The following FBXW11 variants were observed in gnomAD, a reference collection of about 807,000 sequenced individuals.
FBXW11 encodes F-box/WD repeat-containing protein 11.
Under a neutral mutation model 77.6 loss-of-function variants are expected in FBXW11, and 19 were observed. The observed-to-expected ratio is 0.24, with a 90% CI of 0.17 to 0.36. The LOEUF (loss-of-function observed/expected upper bound fraction) is 0.36, where lower values mean the gene tolerates loss of function less well. Ranked by LOEUF, FBXW11 falls within the 10% of genes least tolerant of loss-of-function variation. The pLI is 1.00. For synonymous variants in FBXW11, 235 were observed against 249.4 expected (o/e 0.94, Z 0.54); for missense variants, 334 against 704.2 (o/e 0.47, Z 5.95).
chr5:171,931,015 A>C (rs1762165682), intron 2 of FBXW11, among the ~76,000 whole-genome samples: 1 of 152,122 alleles, frequency 6.6e-6, no homozygotes, highest in Non-Finnish European at 1.5e-5. Flanking sequence ...ATCCTGATGA[A>C]GGAAATCAAA....
intron 1 of FBXW11, among the ~76,000 whole-genome samples, chr5:171,978,736 C>A (rs1764981358): frequency 6.6e-6 from 1 of 152,186 alleles, no homozygotes; most frequent in Admixed American, 6.5e-5. Flanking sequence ...CCAGTCACGA[C>A]AAAATCAGAA....
intron 13 of FBXW11, among the ~76,000 whole-genome samples, chr5:171,865,296 A>G (rs1028407479): frequency 6.6e-6 from 1 of 152,070 alleles, no homozygotes; most frequent in Non-Finnish European, 1.5e-5. Context: ...AAAAAAAAAA[A>G]AAGTCTTCAA....
chr5:171,942,360 G>C (rs1027272317), intron 2 of FBXW11, among the ~76,000 whole-genome samples: 2 of 151,748 alleles, frequency 1.3e-5, no homozygotes, highest in Non-Finnish European at 2.9e-5. Flanking sequence ...TTTCAGTCTG[G>C]AAGAGTTATT....
At chr5:172,000,972 C>T (rs188177775) in intron 1 of FBXW11, among the ~76,000 whole-genome samples, 3 of 152,228 alleles carry the variant, frequency 2.0e-5, no homozygotes, top group Admixed American at 2.0e-4. Context: ...TATTCAGTTT[C>T]CTCAGTTCTT....
intron 6 of FBXW11, among the ~76,000 whole-genome samples, chr5:171,892,038 C>T (rs1759383578): frequency 6.6e-6 from 1 of 152,214 alleles, no homozygotes; most frequent in African/African-American, 2.4e-5. Flanking sequence ...TAGTGAGCAA[C>T]TACTATAAGC....
rs567927419 is a variant in FBXW11, at chr5:171,877,874, T to C, written c.971+137A>G. ...CTTTCCTGCCTAATTTGCGCAAACA[T>C]GTCTACAATAAAAGTAGTTTGAAAT... On this transcript the variant is annotated intron_variant, in intron 8 of 13. Transcript: ENST00000517395. The C allele has an allele frequency of 1.1e-4, 76 of 696,358 alleles. 1 individual carries two copies. The highest frequency in any genetic ancestry group is 7.6e-4 in the South Asian group (41 of 54,054). The allele number at this position is 696,358 out of a possible 1,614,324, so 43.1% of individuals were successfully genotyped here. A position where few individuals can be genotyped will look rare whatever the true frequency, so the allele number is the denominator to read the frequency against.
At chr5:171,914,544 G>A in intron 2 of FBXW11, 139 bp from the exon 3 acceptor site, 1 of 598,698 alleles carries the variant, frequency 1.7e-6, no homozygotes, top group Non-Finnish European at 2.8e-6. Context: ...GCTAACACAT[G>A]CCATTTTGGG....
chr5:171,948,610 C>CA (rs538990449), intron 2 of FBXW11, among the ~76,000 whole-genome samples: 1 of 151,800 alleles, frequency 6.6e-6, no homozygotes, highest in Non-Finnish European at 1.5e-5. Flanking sequence ...AAAAATCAAA[C>CA]AAAAAAAGTT....
chr5:171,997,022 C>A, intron 1 of FBXW11: 1 of 1,289,798 alleles, frequency 7.8e-7, no homozygotes, highest in South Asian at 1.2e-5. Flanking sequence ...CAGCTTTCTT[C>A]AACAAAATCC....
At chr5:171,916,604 T>C (rs1208846114) in intron 2 of FBXW11, 6 of 333,004 alleles carry the variant, frequency 1.8e-5, no homozygotes. Flanking sequence ...ATTGCTATCT[T>C]GAAGGGACCT....
chr5:171,880,759 C>T lies in FBXW11; in HGVS notation c.853-2630G>A, dbSNP rs1049763897. Among the ~76,000 whole-genome samples the T allele has an allele frequency of 4.6e-5, 7 of 152,136 alleles. 1 individual carries two copies. The highest frequency in any genetic ancestry group is 3.3e-4 in the Admixed American group (5 of 15,278). ...TCACCCAGGCTGGAGTGCAATGGCG[C>T]GATCTCGGCTCACTGCAACCTCCGC... On this transcript the variant is annotated intron_variant, in intron 7 of 13. Coordinates refer to ENST00000517395, the MANE Select transcript of FBXW11 (RefSeq NM_001378974.1).
chr5:171,881,217 T>C (rs1321619836), intron 7 of FBXW11, among the ~76,000 whole-genome samples: 2 of 152,214 alleles, frequency 1.3e-5, no homozygotes, highest in Non-Finnish European at 2.9e-5. Flanking sequence ...TACCTTGTCT[T>C]AGTGTGTTAT....
intron 6 of FBXW11, among the ~76,000 whole-genome samples, chr5:171,892,485 T>C (rs1455645585): frequency 6.6e-6 from 1 of 152,206 alleles, no homozygotes; most frequent in Non-Finnish European, 1.5e-5. Flanking sequence ...ACATATTCAA[T>C]GCCCACAAAG....
At chr5:171,967,284 C>T (rs1288544092) in intron 1 of FBXW11, among the ~76,000 whole-genome samples, 1 of 152,146 alleles carries the variant, frequency 6.6e-6, no homozygotes, top group Non-Finnish European at 1.5e-5. Flanking sequence ...AAGAAGATGT[C>T]ATTCACATCA....
At chr5:171,913,807 CCACACACACATACACACACA>C (rs1267050083) in intron 3 of FBXW11, among the ~76,000 whole-genome samples, 126 of 97,906 alleles carry the variant, frequency 1.3e-3, no homozygotes, top group Non-Finnish European at 1.4e-3. Context: ...AAACCCCCAA[CCACACACACATACACACACA>C]CACACACACA....
Position 171,905,355 on chromosome 5 carries a change from C to T in FBXW11, c.436+5217G>A, listed in dbSNP as rs116752421. ...TCACAATAACCTTCTGAGATAGGTA[C>T]TCTACATACCCTCATTTTACATAGA... On this transcript the variant is annotated intron_variant, in intron 4 of 13. Transcript: ENST00000517395. Among the ~76,000 whole-genome samples the T allele has an allele frequency of 3.2e-3, 481 of 152,250 alleles. 2 individuals carry two copies. The highest frequency in any genetic ancestry group is 0.011 in the African/African-American group (444 of 41,530).
At chr5:171,966,386 A>G (rs1764187535) in intron 1 of FBXW11, among the ~76,000 whole-genome samples, 1 of 152,156 alleles carries the variant, frequency 6.6e-6, no homozygotes, top group Non-Finnish European at 1.5e-5. Context: ...ACCACCCATG[A>G]TTCAAAAATG....
At chr5:171,971,554 TTTTTCTGAAATAA>T (rs752094098) in intron 1 of FBXW11, among the ~76,000 whole-genome samples, 4 of 152,170 alleles carry the variant, frequency 2.6e-5, no homozygotes, top group Non-Finnish European at 4.4e-5. Flanking sequence ...ACTCAAATCC[TTTTTCTGAAATAA>T]ACTAAGGTTT....
At chr5:171,970,391 T>C (rs1764456637) in intron 1 of FBXW11, among the ~76,000 whole-genome samples, 1 of 152,202 alleles carries the variant, frequency 6.6e-6, no homozygotes, top group African/African-American at 2.4e-5. Flanking sequence ...CTAAGTTTCC[T>C]GAGGCCTCCC....
Sources: gnomAD v4.1 joint callset for allele counts (sites outside exome capture counted in the v4.1 genomes callset) on GRCh38, gnomAD v4.1.1 for gene constraint, MANE v1.5 for transcripts, NCBI Gene and HGNC (gene_info 2026-07-23, HGNC 2026-07-21) for gene names.